PALLD: variants seen among roughly 807,000 people sequenced by gnomAD.
PALLD encodes the protein palladin, cytoskeletal associated protein, also known as palladin.
In PALLD, 61 loss-of-function variants were observed where a neutral mutation model predicts 123.5. That is an observed-to-expected ratio of 0.49 (90% CI 0.40 to 0.61). The LOEUF is 0.61. Among genes scored for constraint, PALLD ranks in the 20% least tolerant of loss-of-function variants. The probability of loss-of-function intolerance (pLI) is 0.00; values close to 1 mark genes in which losing one functional copy is unlikely to be tolerated. For missense variants in PALLD, 1,273 were observed against 1,377.0 expected, an observed-to-expected ratio of 0.92 and a Z score of 1.20; for synonymous variants, 465 against 496.4, an observed-to-expected ratio of 0.94 and a Z score of 0.84.
intron 2 of PALLD, among the ~76,000 whole-genome samples, chr4:168,573,137 T>A (rs1440551967): frequency 1.3e-5 from 2 of 151,528 alleles, no homozygotes; most frequent in South Asian, 4.2e-4. Context: ...GCACAGGAAG[T>A]CTCAGGGCCT....
intron 2 of PALLD, among the ~76,000 whole-genome samples, chr4:168,661,939 G>A (rs1779175926): frequency 6.6e-6 from 1 of 152,086 alleles, no homozygotes; most frequent in South Asian, 2.1e-4. Flanking sequence ...CATATAATAT[G>A]CATTCAATAA....
chr4:168,523,375 A>G (rs576324453), intron 2 of PALLD, among the ~76,000 whole-genome samples: 2 of 152,282 alleles, frequency 1.3e-5, no homozygotes, highest in African/African-American at 4.8e-5. Flanking sequence ...AATTTTCACC[A>G]TTATATAGAC....
intron 10 of PALLD, among the ~76,000 whole-genome samples, chr4:168,732,586 C>G (rs1467828028): frequency 6.6e-6 from 1 of 152,132 alleles, no homozygotes; most frequent in African/African-American, 2.4e-5. Flanking sequence ...ATCTATAAGG[C>G]TAGGAACATA....
chr4:168,736,544 C>T (rs1349151836), intron 10 of PALLD, among the ~76,000 whole-genome samples: 8 of 152,118 alleles, frequency 5.3e-5, no homozygotes, highest in Non-Finnish European at 1.5e-5. Context: ...ACAACGGTGT[C>T]TCGGGTCAAT....
At chr4:168,757,036 G>A (rs891785957) in intron 10 of PALLD, among the ~76,000 whole-genome samples, 1 of 152,300 alleles carries the variant, frequency 6.6e-6, no homozygotes, top group East Asian at 1.9e-4. Context: ...AACAAATGAG[G>A]ACCGAGAATA....
At chr4:168,921,466 T>C (rs1331148484) in intron 17 of PALLD, 68 bp from the exon 18 acceptor site, 3 of 1,066,588 alleles carry the variant, frequency 2.8e-6, no homozygotes, top group African/African-American at 1.6e-5. Flanking sequence ...TTATGCAGAC[T>C]TCTTAGCTAC....
Position 168,899,337 on chromosome 4 carries a change from A to G in PALLD, c.2472+623A>G, listed in dbSNP as rs190873572. ...AAAGGAAGGACTAGAATAACTGTTT[A>G]CTAGCCCAGCAAGGCAGTAAACAGG... On this transcript the variant is annotated intron_variant, in intron 14 of 21. Transcript: ENST00000505667. Among the ~76,000 whole-genome samples the G allele has an allele frequency of 1.4e-3, 216 of 152,284 alleles. 1 individual carries two copies. The highest frequency in any genetic ancestry group is 3.2e-4 in the Non-Finnish European group (22 of 68,024).
intron 2 of PALLD, among the ~76,000 whole-genome samples, chr4:168,637,847 G>T (rs545264007): frequency 6.8e-6 from 1 of 146,014 alleles, no homozygotes; most frequent in East Asian, 2.1e-4. Context: ...GGTTGGCTGA[G>T]ACAGGAGAAT....
chr4:168,545,936 G>A (rs1445811723), intron 2 of PALLD, among the ~76,000 whole-genome samples: 1 of 152,144 alleles, frequency 6.6e-6, no homozygotes, highest in Non-Finnish European at 1.5e-5. Context: ...TAAAATAAGT[G>A]CTAGGAAGCT....
At chr4:168,820,745 T>C (rs1717276659) in intron 10 of PALLD, among the ~76,000 whole-genome samples, 2 of 152,000 alleles carry the variant, frequency 1.3e-5, no homozygotes, top group Admixed American at 1.3e-4. Context: ...AACTTCTACT[T>C]TGAGTAAATA....
At chr4:168,562,184 G>A (rs1438426633) in intron 2 of PALLD, among the ~76,000 whole-genome samples, 2 of 151,810 alleles carry the variant, frequency 1.3e-5, no homozygotes, top group Non-Finnish European at 2.9e-5. Context: ...TGTGCCATGA[G>A]TCATAGGAAG....
chr4:168,821,575 C>T (rs1742717031), intron 10 of PALLD, among the ~76,000 whole-genome samples: 1 of 151,868 alleles, frequency 6.6e-6, no homozygotes, highest in African/African-American at 2.4e-5. Flanking sequence ...GATGAATATA[C>T]GTATAAAGAG....
At chr4:168,757,551 A>G (rs1163888748) in intron 10 of PALLD, among the ~76,000 whole-genome samples, 1 of 152,244 alleles carries the variant, frequency 6.6e-6, no homozygotes, top group African/African-American at 2.4e-5. Context: ...CTGTGATTCA[A>G]ATGAGCATTA....
chr4:168,897,737 G>T (rs1755527861), intron 13 of PALLD, among the ~76,000 whole-genome samples: 1 of 152,070 alleles, frequency 6.6e-6, no homozygotes, highest in Non-Finnish European at 1.5e-5. Context: ...ACAGGCATGA[G>T]CCACTGTACC....
At chr4:168,903,600 T>C (rs1464632188) in intron 14 of PALLD, among the ~76,000 whole-genome samples, 157 bp from the exon 15 acceptor site, 1 of 152,254 alleles carries the variant, frequency 6.6e-6, no homozygotes, top group East Asian at 1.9e-4. Context: ...CTGCCTTTTT[T>C]CAGTGAAAAA....
intron 2 of PALLD, among the ~76,000 whole-genome samples, chr4:168,654,986 TGTGTG>T (rs959017813): frequency 0.16 from 84 of 532 alleles, no homozygotes; most frequent in Admixed American, 0.4. Flanking sequence ...TATGGCTACT[TGTGTG>T]TGTGTGTGTG....
intron 9 of PALLD, among the ~76,000 whole-genome samples, chr4:168,709,350 A>G (rs1024534867): frequency 7.3e-5 from 11 of 151,304 alleles, no homozygotes; most frequent in Non-Finnish European, 1.5e-4. Flanking sequence ...TCTCTACCAA[A>G]AATACAAAAA....
chr4:168,767,623 C>T (rs374625802), intron 10 of PALLD, among the ~76,000 whole-genome samples: 1 of 151,608 alleles, frequency 6.6e-6, no homozygotes, highest in African/African-American at 2.4e-5. Context: ...TCTCAGCTCA[C>T]CACAACCTCC....
intron 10 of PALLD, among the ~76,000 whole-genome samples, chr4:168,830,340 C>G (rs936810105): frequency 2.0e-5 from 3 of 148,622 alleles, no homozygotes; most frequent in African/African-American, 7.4e-5. Context: ...GCCTGGACAA[C>G]ATAGCGAGAC....
Sources: gnomAD v4.1 joint callset for allele counts (sites outside exome capture counted in the v4.1 genomes callset) on GRCh38, gnomAD v4.1.1 for gene constraint, MANE v1.5 for transcripts, NCBI Gene and HGNC (gene_info 2026-07-23, HGNC 2026-07-21) for gene names.